Variants in NYAP2 observed in about 807,000 individuals in gnomAD.
The protein encoded by NYAP2 is neuronal tyrosine-phosphorylated phosphoinositide-3-kinase adapter 2.
Under a neutral mutation model 50.4 loss-of-function variants are expected in NYAP2, and 23 were observed. That is an observed-to-expected ratio of 0.46 (90% confidence interval 0.33 to 0.65). NYAP2 has a LOEUF of 0.65. Among genes scored for constraint, NYAP2 ranks in the 30% least tolerant of loss-of-function variants. The pLI is 0.02. For missense variants in NYAP2, 885 were observed against 861.0 expected (o/e 1.03, Z -0.35); for synonymous variants, 394 against 365.2 (o/e 1.08, Z -0.90).
At chr2:225,561,113 T>C (rs1691864451) in intron 4 of NYAP2, among the ~76,000 whole-genome samples, 1 of 151,908 alleles carries the variant, frequency 6.6e-6, no homozygotes, top group Admixed American at 6.6e-5. Flanking sequence ...ACAGTAAACA[T>C]AAGTAAATAT....
At chr2:225,597,198 A>C (rs1048599794) in intron 5 of NYAP2, among the ~76,000 whole-genome samples, 5 of 151,850 alleles carry the variant, frequency 3.3e-5, no homozygotes, top group African/African-American at 1.2e-4. Context: ...TGGTTATGTG[A>C]ATAAGTCCTT....
chr2:225,421,623 G>A (rs930306734), intron 3 of NYAP2, among the ~76,000 whole-genome samples: 5 of 152,214 alleles, frequency 3.3e-5, no homozygotes, highest in African/African-American at 1.2e-4. Context: ...TTCAGGGTGA[G>A]ACTAGAATCT....
At chr2:225,654,630 G>A (rs1211365077), downstream of NYAP2, among the ~76,000 whole-genome samples, 1 of 152,134 alleles carries the variant, frequency 6.6e-6, no homozygotes, top group Non-Finnish European at 1.5e-5. Flanking sequence ...GTTGCAGTGA[G>A]CTGAGATTGT....
intron 5 of NYAP2, among the ~76,000 whole-genome samples, chr2:225,615,098 T>C (rs1692965364): frequency 6.6e-6 from 1 of 152,170 alleles, no homozygotes; most frequent in Non-Finnish European, 1.5e-5. Context: ...GTAGCATATG[T>C]CATTTCCACC....
intron 4 of NYAP2, among the ~76,000 whole-genome samples, chr2:225,541,091 TATG>T (rs1388167436): frequency 6.6e-6 from 1 of 152,232 alleles, no homozygotes; most frequent in African/African-American, 2.4e-5. Flanking sequence ...TATGTCTTCT[TATG>T]ATAAATATCT....
intron 3 of NYAP2, among the ~76,000 whole-genome samples, chr2:225,464,214 T>G (rs1689879753): frequency 6.6e-6 from 1 of 152,188 alleles, no homozygotes; most frequent in South Asian, 2.1e-4. Context: ...CCATGTTAAC[T>G]CCAGAATTCT....
At chr2:225,516,392 C>A (rs1309537484) in intron 4 of NYAP2, among the ~76,000 whole-genome samples, 1 of 152,168 alleles carries the variant, frequency 6.6e-6, no homozygotes, top group South Asian at 2.1e-4. Context: ...AGGTAGTGAG[C>A]TCATTAAACA....
At chr2:225,471,659 A>G (rs374605520) in intron 3 of NYAP2, among the ~76,000 whole-genome samples, 12 of 152,358 alleles carry the variant, frequency 7.9e-5, no homozygotes, top group African/African-American at 2.9e-4. Context: ...GGTCTTAGAT[A>G]AAGTGCTTTA....
At chr2:225,575,706 G>A (rs1408694515) in intron 4 of NYAP2, among the ~76,000 whole-genome samples, 2 of 152,214 alleles carry the variant, frequency 1.3e-5, no homozygotes, top group Non-Finnish European at 2.9e-5. Flanking sequence ...ATCAAGGGGA[G>A]AAGAAATAGA....
chr2:225,476,591 A>T (rs562048499), intron 3 of NYAP2, among the ~76,000 whole-genome samples: 1 of 152,174 alleles, frequency 6.6e-6, no homozygotes, highest in East Asian at 1.9e-4. Context: ...AATCTGCATT[A>T]TCATTTTCTC....
At chr2:225,411,083 GAAGAT>G (rs1695031059) in intron 3 of NYAP2, among the ~76,000 whole-genome samples, 1 of 152,144 alleles carries the variant, frequency 6.6e-6, no homozygotes, top group Admixed American at 6.6e-5. Context: ...CCCATAAGCA[GAAGAT>G]AAAATTTAAG....
the NYAP2 span, chr2:225,703,422 C>T: frequency 6.6e-6 from 1 of 151,494 alleles, no homozygotes; most frequent in Non-Finnish European, 1.5e-5. Context: ...TGTTATTAGC[C>T]ATTTCTATAT....
At chr2:225,590,783 G>C (rs925342159) in intron 5 of NYAP2, among the ~76,000 whole-genome samples, 1 of 152,214 alleles carries the variant, frequency 6.6e-6, no homozygotes, top group South Asian at 2.1e-4. Context: ...GGGTAACGTA[G>C]ATTCAAAAGA....
intron 4 of NYAP2, among the ~76,000 whole-genome samples, chr2:225,519,267 T>G (rs142246286): frequency 0.023 from 3,503 of 151,806 alleles, 138 homozygotes; most frequent in African/African-American, 0.08. Flanking sequence ...TATTTTTTAT[T>G]TTTTATTTTA....
intron 3 of NYAP2, among the ~76,000 whole-genome samples, chr2:225,472,951 T>C (rs5012146): frequency 0.2 from 31,052 of 152,138 alleles, 6,153 homozygotes; most frequent in African/African-American, 0.52. Context: ...AATGCTATCC[T>C]TCCCCACTCC....
chr2:225,444,935 C>T (rs1031462594), intron 3 of NYAP2, among the ~76,000 whole-genome samples: 1 of 152,176 alleles, frequency 6.6e-6, no homozygotes, highest in Non-Finnish European at 1.5e-5. Context: ...TTTTCTCCCC[C>T]TTTCCCTTAA....
the NYAP2 span, chr2:225,701,563 T>G: frequency 6.6e-6 from 1 of 151,798 alleles, no homozygotes; most frequent in African/African-American, 2.4e-5. Flanking sequence ...CAGCATCCTC[T>G]GAGGTATAAG....
At chr2:225,515,421 AGATT>A (rs1278840126) in intron 4 of NYAP2, among the ~76,000 whole-genome samples, 1 of 152,178 alleles carries the variant, frequency 6.6e-6, no homozygotes, top group Non-Finnish European at 1.5e-5. Context: ...ATGAATACTC[AGATT>A]GATTGTTTTG....
At chr2:225,418,376 G>T (rs1695159176) in intron 3 of NYAP2, among the ~76,000 whole-genome samples, 1 of 152,096 alleles carries the variant, frequency 6.6e-6, no homozygotes, top group African/African-American at 2.4e-5. Flanking sequence ...AAATTGGGAT[G>T]AGAGAGGTCT....
Sources: allele counts gnomAD v4.1 joint callset (sites outside exome capture counted in the v4.1 genomes callset), GRCh38; gene constraint gnomAD v4.1.1; transcripts MANE v1.5; gene names NCBI Gene and HGNC (gene_info 2026-07-23, HGNC 2026-07-21).